The following CCDC149 variants were observed in gnomAD, a reference collection of about 807,000 sequenced individuals.
The protein encoded by CCDC149 is coiled-coil domain-containing protein 149.
CCDC149 carries 45 observed loss-of-function variants against 59.9 expected under a neutral mutation model. The ratio of observed to expected loss-of-function variants is 0.75; its 90% CI spans 0.59 to 0.96. CCDC149 has a LOEUF of 0.96. Among genes scored for constraint, CCDC149 ranks in the 40% least tolerant of loss-of-function variants. The probability of loss-of-function intolerance (pLI) is 0.00; values close to 1 mark genes in which losing one functional copy is unlikely to be tolerated. For missense variants in CCDC149, 584 were observed against 664.7 expected, an observed-to-expected ratio of 0.88 and a Z score of 1.33; for synonymous variants, 245 against 260.6, an observed-to-expected ratio of 0.94 and a Z score of 0.58.
intron 4 of CCDC149, among the ~76,000 whole-genome samples, chr4:24,838,559 T>A (rs1350752354): frequency 2.0e-5 from 3 of 152,134 alleles, no homozygotes; most frequent in Non-Finnish European, 4.4e-5. Context: ...CATTAAAATT[T>A]AGCGAAGATT....
At chr4:24,843,699 A>T (rs1717080374) in intron 4 of CCDC149, among the ~76,000 whole-genome samples, 1 of 152,166 alleles carries the variant, frequency 6.6e-6, no homozygotes, top group African/African-American at 2.4e-5. Context: ...GTGTATACGG[A>T]TGTCTCCCAG....
At chr4:24,826,907 G>A (rs1328931836) in intron 9 of CCDC149, 1 of 152,296 alleles carries the variant, frequency 6.6e-6, no homozygotes, top group African/African-American at 2.4e-5. Flanking sequence ...AGTAGCTCGA[G>A]GCAAACTCAA....
chr4:24,904,820 C>T (rs1028343170), intron 1 of CCDC149, among the ~76,000 whole-genome samples: 1 of 152,180 alleles, frequency 6.6e-6, no homozygotes, highest in East Asian at 1.9e-4. Context: ...TGCTTATTTG[C>T]CATCCCTCTT....
chr4:24,962,933 AAAAG>A (rs1181846681), intron 1 of CCDC149, among the ~76,000 whole-genome samples: 1 of 151,536 alleles, frequency 6.6e-6, no homozygotes, highest in Admixed American at 6.6e-5. Context: ...AAAGTGAAAA[AAAAG>A]AAAATTTATG....
intron 1 of CCDC149, among the ~76,000 whole-genome samples, chr4:24,978,775 G>C (rs747632596): frequency 6.6e-6 from 1 of 152,166 alleles, no homozygotes; most frequent in African/African-American, 2.4e-5. Flanking sequence ...TGGCAATTTT[G>C]CCACAGATTC....
intron 12 of CCDC149, among the ~76,000 whole-genome samples, chr4:24,817,817 C>T (rs1213252552): frequency 6.6e-6 from 1 of 152,030 alleles, no homozygotes; most frequent in Non-Finnish European, 1.5e-5. Context: ...TGGTTTGTTA[C>T]CCAATAATAG....
chr4:24,808,327 T>A lies in CCDC149; in HGVS notation c.*62A>T, dbSNP rs1215825895. Reference sequence around the variant, plus strand: ...AGGCGACGTGAGCGCACCATTCCGATGCTTCATTCTTGACCCTCTCTGGGG... The same window carrying A: ...AGGCGACGTGAGCGCACCATTCCGAAGCTTCATTCTTGACCCTCTCTGGGG... On this transcript the variant is annotated 3_prime_UTR_variant, in exon 13 of 13. Transcript: ENST00000635206. 1.4e-6 allele frequency: 2 copies of A among 1,382,574 alleles called. No homozygotes were observed. Among genetic ancestry groups the A allele is most frequent in the Admixed American group, 6.6e-5 (2 of 30,280 alleles). The allele number at this position is 1,382,574 out of a possible 1,614,324, so 85.6% of individuals were successfully genotyped here. A position where few individuals can be genotyped will look rare whatever the true frequency, so the allele number is the denominator to read the frequency against.
At chr4:24,817,245 T>A (rs1346351371) in intron 12 of CCDC149, among the ~76,000 whole-genome samples, 3 of 152,106 alleles carry the variant, frequency 2.0e-5, no homozygotes, top group Admixed American at 2.0e-4. Context: ...GGACATTGGA[T>A]CCTGGCATGG....
intron 4 of CCDC149, among the ~76,000 whole-genome samples, chr4:24,845,228 C>T (rs1214641352): frequency 2.0e-5 from 3 of 152,206 alleles, no homozygotes; most frequent in African/African-American, 4.8e-5. Context: ...ACCCTAAGCT[C>T]GCTCCCCTCA....
intron 1 of CCDC149, among the ~76,000 whole-genome samples, chr4:24,964,302 A>G (rs537437411): frequency 7.9e-5 from 12 of 152,292 alleles, no homozygotes; most frequent in South Asian, 4.2e-4. Context: ...AGATGACAGG[A>G]TAGAATCAAT....
In CCDC149 at chr4:24,912,814, C is replaced by T; in HGVS notation, c.63+3G>A. The T allele has an allele frequency of 3.0e-6, 4 of 1,341,294 alleles. No individual in the cohort carries two copies. Among genetic ancestry groups the T allele is most frequent in the Non-Finnish European group, 3.9e-6 (4 of 1,031,764 alleles). The allele number at this position is 1,341,294 out of a possible 1,614,324, so 83.1% of individuals were successfully genotyped here. On this transcript the variant is annotated splice_donor_region_variant and intron_variant, in intron 1 of 12. Transcript: ENST00000635206. ...TCCCGCCTGGCCGGCGCCGCGGCCTCACCTCGCTCACCAGCCCCTGCCAGT... is the reference window on the plus strand; with the variant it reads ...TCCCGCCTGGCCGGCGCCGCGGCCTTACCTCGCTCACCAGCCCCTGCCAGT...
At chr4:24,958,369 T>A (rs1723534172) in intron 1 of CCDC149, among the ~76,000 whole-genome samples, 1 of 152,206 alleles carries the variant, frequency 6.6e-6, no homozygotes. Flanking sequence ...TCAGACTACC[T>A]ATCTGAAGCA....
chr4:24,963,446 C>T (rs915852733), intron 1 of CCDC149, among the ~76,000 whole-genome samples: 3 of 152,184 alleles, frequency 2.0e-5, no homozygotes, highest in Non-Finnish European at 4.4e-5. Context: ...TTCACACACA[C>T]ACTCTCAGTG....
chr4:24,913,944 A>C (rs940199883), upstream of CCDC149, among the ~76,000 whole-genome samples: 6 of 152,222 alleles, frequency 3.9e-5, no homozygotes, highest in African/African-American at 1.4e-4. Flanking sequence ...CCCCTCTTGG[A>C]CCACTATCAA....
At chr4:24,956,713 A>T (rs1425131969) in intron 1 of CCDC149, among the ~76,000 whole-genome samples, 3 of 152,264 alleles carry the variant, frequency 2.0e-5, no homozygotes, top group African/African-American at 7.2e-5. Context: ...GAGGCAGGCC[A>T]TGACATTTCA....
chr4:24,915,440 C>T (rs1317265843), upstream of CCDC149, among the ~76,000 whole-genome samples: 6 of 152,162 alleles, frequency 3.9e-5, no homozygotes, highest in Non-Finnish European at 7.3e-5. Context: ...GCTCCTTTGG[C>T]GCCCTCACTG....
intron 9 of CCDC149, 110 bp downstream of exon 9, chr4:24,831,396 G>T (rs904926820): frequency 9.4e-7 from 1 of 1,061,934 alleles, no homozygotes; most frequent in East Asian, 2.4e-5. Flanking sequence ...GATTTGAGGG[G>T]TCTCACCTTC....
chr4:24,972,285 C>A (rs1030023861), intron 1 of CCDC149, among the ~76,000 whole-genome samples: 2 of 108,882 alleles, frequency 1.8e-5, no homozygotes, highest in South Asian at 3.6e-4. Context: ...TAAATTCTGA[C>A]CTTTTTCTTT....
In CCDC149 at chr4:24,807,316, A is replaced by G. The variant is rs1487841136; in HGVS notation, c.*1073T>C. On this transcript the variant is annotated 3_prime_UTR_variant, in exon 13 of 13. Transcript: ENST00000635206. The stretch of plus-strand genomic sequence containing the variant: ...ATCCCTGTATCATGTCCTTGGTTCC[A>G]CATCCCCCCTTGCCATGCTGTTGTG... 2.0e-5 allele frequency: 3 copies of G among 152,184 alleles called. No individual in the cohort carries two copies. Among genetic ancestry groups the G allele is most frequent in the Non-Finnish European group, 4.4e-5 (3 of 68,084 alleles). The allele number at this position is 152,184 out of a possible 1,614,324, so 9.4% of individuals were successfully genotyped here.
Sources: allele counts gnomAD v4.1 joint callset (sites outside exome capture counted in the v4.1 genomes callset), GRCh38; gene constraint gnomAD v4.1.1; transcripts MANE v1.5; gene names NCBI Gene and HGNC (gene_info 2026-07-23, HGNC 2026-07-21).